Variants in SLC9A9 observed in about 807,000 individuals in gnomAD.
SLC9A9 encodes solute carrier family 9 member A9, also known as sodium/hydrogen exchanger 9.
A neutral mutation model predicts 77.8 loss-of-function variants in SLC9A9; 62 were observed. The ratio of observed to expected loss-of-function variants is 0.80; its 90% CI spans 0.65 to 0.98. SLC9A9 has a LOEUF of 0.98. Among genes scored for constraint, SLC9A9 ranks in the 50% least tolerant of loss-of-function variants. SLC9A9 has a pLI of 0.00. For missense variants in SLC9A9, 775 were observed against 774.9 expected, an observed-to-expected ratio of 1.00 and a Z score of 0.00; for synonymous variants, 320 against 283.5, an observed-to-expected ratio of 1.13 and a Z score of -1.29.
At chr3:143,844,677 A>T (rs2009783401) in intron 1 of SLC9A9, among the ~76,000 whole-genome samples, 1 of 152,090 alleles carries the variant, frequency 6.6e-6, no homozygotes, top group Admixed American at 6.6e-5. Flanking sequence ...TCACTTCCTT[A>T]AGAACAAGAA....
chr3:143,493,931 AAAGTC>A (rs1342406575), intron 10 of SLC9A9, among the ~76,000 whole-genome samples, 167 bp from the exon 11 acceptor site: 1 of 152,248 alleles, frequency 6.6e-6, no homozygotes, highest in Non-Finnish European at 1.5e-5. Context: ...TTTATATTTC[AAAGTC>A]AAGTTCTTCC....
chr3:143,779,056 G>A (rs145497752), intron 4 of SLC9A9, among the ~76,000 whole-genome samples: 99 of 152,284 alleles, frequency 6.5e-4, no homozygotes, highest in African/African-American at 2.3e-3. Context: ...TCTGGATCTT[G>A]CTCCGGGATG....
intron 6 of SLC9A9, among the ~76,000 whole-genome samples, chr3:143,597,997 T>G (rs891054699): frequency 2.6e-5 from 4 of 152,278 alleles, no homozygotes; most frequent in East Asian, 1.9e-4. Context: ...AGAGCTGTTG[T>G]CAACAGCTCA....
chr3:143,820,385 T>C (rs962623474), intron 2 of SLC9A9, among the ~76,000 whole-genome samples: 3 of 152,250 alleles, frequency 2.0e-5, no homozygotes, highest in South Asian at 2.1e-4. Context: ...GAAACTCTTC[T>C]ATGTTTTGCG....
At chr3:143,693,529 ATG>A (rs1299708803) in intron 4 of SLC9A9, among the ~76,000 whole-genome samples, 1 of 152,188 alleles carries the variant, frequency 6.6e-6, no homozygotes, top group East Asian at 1.9e-4. Context: ...GTAAAAGGTA[ATG>A]CAACAGTTTA....
chr3:143,578,395 C>T (rs917430284), intron 7 of SLC9A9, among the ~76,000 whole-genome samples, 190 bp downstream of exon 7: 10 of 152,170 alleles, frequency 6.6e-5, no homozygotes, highest in African/African-American at 2.4e-4. Context: ...GCTTGGGCCC[C>T]TCTGCCACTG....
At chr3:143,353,657 CATTGGTGGCTGGTGCCACCA>C (rs1338249467) in intron 14 of SLC9A9, among the ~76,000 whole-genome samples, 1 of 152,126 alleles carries the variant, frequency 6.6e-6, no homozygotes, top group African/African-American at 2.4e-5. Context: ...TAGCTCTCAG[CATTGGTGGCTGGTGCCACCA>C]ATCTACCTCA....
chr3:143,719,192 T>C (rs568409022), intron 4 of SLC9A9, among the ~76,000 whole-genome samples: 1 of 152,286 alleles, frequency 6.6e-6, no homozygotes, highest in African/African-American at 2.4e-5. Flanking sequence ...TGCGGACAGA[T>C]CTTTGAAGGT....
At chr3:143,379,922 G>T (rs1337885882) in intron 13 of SLC9A9, among the ~76,000 whole-genome samples, 1 of 152,020 alleles carries the variant, frequency 6.6e-6, no homozygotes, top group East Asian at 1.9e-4. Context: ...ATAAAAATAT[G>T]TTACTATTAT....
At chr3:143,577,844 G>A (rs1270656018) in intron 7 of SLC9A9, among the ~76,000 whole-genome samples, 1 of 152,006 alleles carries the variant, frequency 6.6e-6, no homozygotes, top group Admixed American at 6.5e-5. Context: ...CCTCTCTTCT[G>A]TGGCTCCACC....
chr3:143,336,465 A>G (rs1285637855), intron 14 of SLC9A9, among the ~76,000 whole-genome samples: 2 of 152,178 alleles, frequency 1.3e-5, no homozygotes, highest in African/African-American at 2.4e-5. Context: ...ATTATTCACA[A>G]TAGCCAAGAA....
intron 2 of SLC9A9, among the ~76,000 whole-genome samples, chr3:143,816,267 GGTCATAGCTC>G (rs1297590884): frequency 6.6e-6 from 1 of 152,124 alleles, no homozygotes; most frequent in Non-Finnish European, 1.5e-5. Flanking sequence ...ACAGTGGTGT[GGTCATAGCTC>G]ACTGTAACCT....
intron 11 of SLC9A9, among the ~76,000 whole-genome samples, chr3:143,472,203 A>G (rs1180659740): frequency 6.6e-6 from 1 of 152,212 alleles, no homozygotes; most frequent in Non-Finnish European, 1.5e-5. Context: ...GCTCTGTTCC[A>G]GTGTTCATGG....
intron 14 of SLC9A9, among the ~76,000 whole-genome samples, chr3:143,273,941 T>A (rs897238218): frequency 5.3e-5 from 8 of 152,222 alleles, no homozygotes; most frequent in Non-Finnish European, 1.2e-4. Flanking sequence ...TAAGCCATCA[T>A]TTTTAGGGTG....
chr3:143,286,915 C>G (rs955158556), intron 14 of SLC9A9, among the ~76,000 whole-genome samples: 1 of 152,164 alleles, frequency 6.6e-6, no homozygotes, highest in Non-Finnish European at 1.5e-5. Flanking sequence ...AATCTTAAAG[C>G]AAAATGAGGC....
intron 4 of SLC9A9, among the ~76,000 whole-genome samples, chr3:143,725,913 C>T (rs1420768856): frequency 6.7e-6 from 1 of 148,698 alleles, no homozygotes; most frequent in Non-Finnish European, 1.5e-5. Flanking sequence ...AAAAAATGAT[C>T]CTTTGTGGAG....
At chr3:143,735,066 C>T (rs931304515) in intron 4 of SLC9A9, among the ~76,000 whole-genome samples, 1 of 152,162 alleles carries the variant, frequency 6.6e-6, no homozygotes, top group East Asian at 1.9e-4. Context: ...TTGCCGACTC[C>T]TCTGGGACAC....
chr3:143,469,320 G>A (rs2035337876), intron 11 of SLC9A9, among the ~76,000 whole-genome samples: 2 of 152,128 alleles, frequency 1.3e-5, no homozygotes, highest in Admixed American at 6.6e-5. Flanking sequence ...GGTAACACAC[G>A]ACATGCAAGA....
intron 2 of SLC9A9, among the ~76,000 whole-genome samples, chr3:143,827,775 A>G (rs946392424): frequency 2.6e-5 from 4 of 152,232 alleles, no homozygotes; most frequent in African/African-American, 4.8e-5. Flanking sequence ...TCTAAGAGTA[A>G]AACCCATTTT....
Sources: gnomAD v4.1 joint callset for allele counts (sites outside exome capture counted in the v4.1 genomes callset) on GRCh38, gnomAD v4.1.1 for gene constraint, MANE v1.5 for transcripts, NCBI Gene and HGNC (gene_info 2026-07-23, HGNC 2026-07-21) for gene names.